PDILT: variants seen among roughly 807,000 people sequenced by gnomAD.
The protein encoded by PDILT is protein disulfide-isomerase-like protein of the testis.
A neutral mutation model predicts 53.7 loss-of-function variants in PDILT; 43 were observed. The observed-to-expected ratio is 0.80, with a 90% CI of 0.63 to 1.03. The LOEUF is 1.03. PDILT is among the 50% of genes least tolerant of loss of function. The pLI, the probability that PDILT is intolerant of heterozygous loss-of-function variation, is 0.00. For missense variants in PDILT, 727 were observed against 712.3 expected, an observed-to-expected ratio of 1.02 and a Z score of -0.24; for synonymous variants, 282 against 274.2, an observed-to-expected ratio of 1.03 and a Z score of -0.28.
At chr16:20,359,718 G>A in intron 11 of PDILT, 151 bp from the exon 12 acceptor site, 1 of 812,010 alleles carries the variant, frequency 1.2e-6, no homozygotes, top group Non-Finnish European at 1.9e-6. Context: ...GGACTGCAGG[G>A]TTTTCACAGA....
chr16:20,398,989 AAT>A (rs1437344561), intron 2 of PDILT, 108 bp downstream of exon 2: 2 of 1,118,514 alleles, frequency 1.8e-6, no homozygotes, highest in Non-Finnish European at 2.6e-6. Context: ...TGTTTTAAAT[AAT>A]ATGTGTTCTT....
At chr16:20,385,538 T>C (rs1004219695) in intron 2 of PDILT, among the ~76,000 whole-genome samples, 2 of 152,136 alleles carry the variant, frequency 1.3e-5, no homozygotes, top group African/African-American at 4.8e-5. Context: ...AAGCAATGAT[T>C]ACACAAAGGC....
chr16:20,388,011 A>T (rs1316629758), intron 2 of PDILT, among the ~76,000 whole-genome samples: 1 of 152,128 alleles, frequency 6.6e-6, no homozygotes, highest in East Asian at 1.9e-4. Context: ...GAGAGTGGTA[A>T]TGGAGGGGCT....
At chr16:20,390,672 A>G (rs1025968936) in intron 2 of PDILT, 2 of 152,202 alleles carry the variant, frequency 1.3e-5, no homozygotes, top group African/African-American at 2.4e-5. Flanking sequence ...CTCAGTGCCT[A>G]CAATATATCT....
intron 2 of PDILT, among the ~76,000 whole-genome samples, chr16:20,396,111 T>C (rs1966659898): frequency 1.3e-5 from 2 of 152,228 alleles, no homozygotes; most frequent in South Asian, 4.1e-4. Context: ...TAAGGGAGAA[T>C]GGGAACTCAT....
At chr16:20,392,218 AG>A (rs1966613773) in intron 2 of PDILT, among the ~76,000 whole-genome samples, 1 of 152,156 alleles carries the variant, frequency 6.6e-6, no homozygotes, top group South Asian at 2.1e-4. Flanking sequence ...AACAACCTTG[AG>A]GTTTCTGACT....
intron 1 of PDILT, among the ~76,000 whole-genome samples, chr16:20,401,506 G>T (rs1171698570): frequency 1.3e-5 from 2 of 152,174 alleles, no homozygotes; most frequent in East Asian, 3.9e-4. Flanking sequence ...TCCTAGGCCT[G>T]ACAGTCCCTT....
chr16:20,379,332 C>T (rs1346801595), intron 3 of PDILT, among the ~76,000 whole-genome samples: 1 of 152,168 alleles, frequency 6.6e-6, no homozygotes, highest in African/African-American at 2.4e-5. Flanking sequence ...TGCCACCACA[C>T]CCCACTAATT....
intron 1 of PDILT, 88 bp from the exon 2 acceptor site, chr16:20,399,395 C>T: frequency 7.1e-7 from 1 of 1,406,836 alleles, no homozygotes; most frequent in Admixed American, 1.8e-5. Context: ...TCCAGCTGGT[C>T]CATGTAGGGT....
At chr16:20,400,072 A>ATTTTTTTTTTT (rs55815809) in intron 1 of PDILT, among the ~76,000 whole-genome samples, 1 of 137,430 alleles carries the variant, frequency 7.3e-6, no homozygotes, top group African/African-American at 2.9e-5. Flanking sequence ...ATATATATAT[A>ATTTTTTTTTTT]TTTTTTGAGA....
At chr16:20,367,055 CTTTCT>C (rs1596580482) in intron 8 of PDILT, among the ~76,000 whole-genome samples, 5 of 99,730 alleles carry the variant, frequency 5.0e-5, no homozygotes, top group East Asian at 2.4e-4. Context: ...TTCTTTCTTT[CTTTCT>C]TTCTTTCTTT....
rs147018186 is a variant in PDILT, at chr16:20,395,211, C to G, written c.202+3888G>C. Among the ~76,000 whole-genome samples the G allele has an allele frequency of 1.2e-4, 19 of 152,258 alleles. No homozygotes were observed. The East Asian group carries it at 3.7e-3, about 29-fold the overall frequency. ...ATAACCTCCTTTTGTTTTGCTTTCT[C>G]AACTAAAGAGGTTGGAAACCTAAAA... On this transcript the variant is annotated intron_variant, in intron 2 of 11. Transcript: ENST00000302451.
At chr16:20,368,806 A>G (rs959111057) in intron 8 of PDILT, among the ~76,000 whole-genome samples, 2 of 151,868 alleles carry the variant, frequency 1.3e-5, no homozygotes, top group African/African-American at 4.8e-5. Flanking sequence ...ATGGCCTCGA[A>G]CTCCTGGGCT....
chr16:20,381,505 A>G (rs113390526), intron 3 of PDILT, among the ~76,000 whole-genome samples: 20,155 of 151,862 alleles, frequency 0.13, 1,661 homozygotes, highest in African/African-American at 0.23. Context: ...GAGTGGTGGC[A>G]CATGCCTGTA....
chr16:20,360,275 C>A (rs909976613), intron 11 of PDILT, among the ~76,000 whole-genome samples: 7 of 152,174 alleles, frequency 4.6e-5, no homozygotes, highest in African/African-American at 1.7e-4. Context: ...AGGGCAGAAT[C>A]CCACCAAGAC....
At chr16:20,396,818 C>G (rs985561984) in intron 2 of PDILT, among the ~76,000 whole-genome samples, 2 of 152,310 alleles carry the variant, frequency 1.3e-5, no homozygotes, top group African/African-American at 4.8e-5. Flanking sequence ...CCAAGACACT[C>G]ATAGAGCCCA....
At chr16:20,365,147 A>G (rs1232319382) in intron 9 of PDILT, among the ~76,000 whole-genome samples, 1 of 152,226 alleles carries the variant, frequency 6.6e-6, no homozygotes, top group African/African-American at 2.4e-5. Flanking sequence ...CCAAGCAAAC[A>G]TTGTCAGCCA....
At chr16:20,382,803 G>T (rs1055995668) in intron 3 of PDILT, among the ~76,000 whole-genome samples, 3 of 152,200 alleles carry the variant, frequency 2.0e-5, no homozygotes, top group Non-Finnish European at 2.9e-5. Context: ...GGCAGTGATT[G>T]TTTCTTAAGC....
intron 1 of PDILT, 33 bp from the exon 2 acceptor site, chr16:20,399,340 T>A (rs763142249): frequency 6.2e-7 from 1 of 1,605,970 alleles, no homozygotes; most frequent in South Asian, 1.1e-5. Flanking sequence ...AGAGACCTTA[T>A]CAACACAGGT....
Sources: allele counts gnomAD v4.1 joint callset (sites outside exome capture counted in the v4.1 genomes callset), GRCh38; gene constraint gnomAD v4.1.1; transcripts MANE v1.5; gene names NCBI Gene and HGNC (gene_info 2026-07-23, HGNC 2026-07-21).